The following USO1 variants were observed in gnomAD, a reference collection of about 807,000 sequenced individuals.
USO1 encodes the protein USO1 vesicle transport factor.
Under a neutral mutation model 124.5 loss-of-function variants are expected in USO1, and 57 were observed. The observed-to-expected ratio is 0.46, with a 90% CI of 0.37 to 0.57. The LOEUF is 0.57. Among genes scored for constraint, USO1 ranks in the 20% least tolerant of loss-of-function variants. The pLI is 0.00. For missense variants in USO1, 900 were observed against 1,040.6 expected (o/e 0.86, Z 1.86); for synonymous variants, 369 against 362.8 (o/e 1.02, Z -0.19).
At chr4:75,745,757 G>T (rs180753725) in intron 1 of USO1, among the ~76,000 whole-genome samples, 1 of 147,938 alleles carries the variant, frequency 6.8e-6, no homozygotes, top group Admixed American at 6.6e-5. Context: ...AAAATTAGCC[G>T]GACGTAGTGG....
Position 75,789,730 on chromosome 4 carries a change from AATT to A in USO1, c.997-419_997-417del, listed in dbSNP as rs1197710482. Among the ~76,000 whole-genome samples, 138 of 152,190 alleles carry A rather than the reference AATT, an allele frequency of 9.1e-4. 1 individual carries two copies. Among genetic ancestry groups the A allele is most frequent in the African/African-American group, 3.2e-3 (133 of 41,540 alleles). On this transcript the variant is annotated intron_variant, in intron 10 of 23. Coordinates refer to ENST00000514213, the MANE Select transcript of USO1 (RefSeq NM_003715.4). ...ATTTTTTAACTTTATCCTTAAATTG[AATT>A]TTTTAACTCTTTAAATTTGTTCTTT... is the stretch of plus-strand genomic sequence containing the variant.
chr4:75,792,537 C>G (rs1162360896), intron 12 of USO1, among the ~76,000 whole-genome samples: 3 of 150,296 alleles, frequency 2.0e-5, no homozygotes, highest in Non-Finnish European at 4.4e-5. Flanking sequence ...GACTCTATCT[C>G]AAAAAAAATA....
intron 10 of USO1, among the ~76,000 whole-genome samples, chr4:75,789,491 TC>T (rs1462599621): frequency 3.3e-5 from 5 of 152,156 alleles, no homozygotes; most frequent in Non-Finnish European, 5.9e-5. Context: ...GTCAGGCTGG[TC>T]TCAAACTCCT....
intron 3 of USO1, among the ~76,000 whole-genome samples, chr4:75,755,810 C>A (rs114662994): frequency 1.1e-3 from 175 of 152,222 alleles, no homozygotes; most frequent in African/African-American, 4.1e-3. Flanking sequence ...GAGAGACTTT[C>A]CAGATATGCT....
rs983950421 is a variant in USO1 at position 75,766,479 on chromosome 4, G to C, written c.296-3960G>C. Among the ~76,000 whole-genome samples the C allele has an allele frequency of 8.5e-5, 13 of 152,332 alleles. No homozygotes were observed. The South Asian group carries it at 1.9e-3, about 22-fold the overall frequency. ...GTTGTCACAGTAAGAGGAAGTAAGA[G>C]AGTGCTACTGCGTCTAGTGGGTAAG... is the stretch of plus-strand genomic sequence containing the variant. On this transcript the variant is annotated intron_variant, in intron 4 of 23. Transcript: ENST00000514213.
intron 1 of USO1, among the ~76,000 whole-genome samples, 190 bp from the exon 2 acceptor site, chr4:75,752,181 GTC>G (rs1219096245): frequency 4.0e-5 from 6 of 151,844 alleles, no homozygotes; most frequent in Non-Finnish European, 7.4e-5. Flanking sequence ...CACTTTTTAA[GTC>G]TCTGCAAAAC....
At chr4:75,806,392 C>T (rs1490017734) in intron 19 of USO1, 94 bp from the exon 20 acceptor site, 4 of 1,455,940 alleles carry the variant, frequency 2.7e-6, no homozygotes, top group Admixed American at 2.4e-5. Context: ...TTGGTAAGCA[C>T]ATATGATATA....
intron 16 of USO1, 64 bp downstream of exon 16, chr4:75,800,863 A>G: frequency 6.5e-7 from 1 of 1,539,472 alleles, no homozygotes; most frequent in Non-Finnish European, 8.8e-7. Flanking sequence ...GTACATGTAT[A>G]TTCTGGATGC....
intron 17 of USO1, among the ~76,000 whole-genome samples, chr4:75,802,736 C>CTTTTTTTTTTTTTTTTT (rs997798305): frequency 4.6e-3 from 293 of 63,712 alleles, no homozygotes; most frequent in Middle Eastern, 0.017. Context: ...TTTTTCTTTT[C>CTTTTTTTTTTTTTTTTT]TTTTTTTTTT....
rs762869421 is a variant in USO1 at position 75,806,537 on chromosome 4, G to C, written c.2341G>C (p.Ala781Pro). 6.4e-7 allele frequency: 1 copy of C among 1,561,194 alleles called. No homozygotes were observed. The highest frequency in any genetic ancestry group is 1.2e-5 in the South Asian group (1 of 84,632). Residue 781 changes from alanine (A) to proline (P), a missense_variant, in exon 20 of 24, where the codon GCT becomes CCT. By Grantham distance (27) the Ala-to-Pro change is conservative (BLOSUM62 -1). This residue lies in a region of USO1 where 362 missense variants were observed against 359.0 expected (regional missense o/e 1.01). Transcript: ENST00000514213. ...TGAACAGTCTTCAGCAATAGTTTCA[G>C]CTAGAGATTCTGAACAAGTTGCAGA... ...TNEQSSAIVS[A>P]RDSEQVAELK...
Position 75,800,660 on chromosome 4 carries a change from G to C in USO1, c.1725G>C (p.Glu575Asp), listed in dbSNP as rs767868509. 1.3e-6 allele frequency: 2 copies of C among 1,593,058 alleles called. No individual in the cohort carries two copies. The highest frequency in any genetic ancestry group is 2.7e-5 in the African/African-American group (2 of 73,714). ...TGATTGAGAAGAGGATTGGCAAAGA[G>C]AATTTCATAGAGAAACTAGGATTTA... ...KQLIEKRIGK[E>D]NFIEKLGFIS... The change falls in exon 16 of 24, where the codon GAG becomes GAC. Residue 575 changes from glutamate (E) to aspartate (D), a missense_variant. Physicochemically the swap from Glu to Asp is conservative, Grantham distance 45 (BLOSUM62 2). Around this residue, in one of 2 missense-constraint regions of USO1, gnomAD observed 538 missense variants for 681.6 expected, o/e 0.79. Transcript: ENST00000514213.
intron 1 of USO1, among the ~76,000 whole-genome samples, chr4:75,734,289 A>G (rs982954793): frequency 6.6e-5 from 10 of 152,012 alleles, no homozygotes; most frequent in Admixed American, 6.6e-5. Context: ...TATGTCTTTA[A>G]TCCATCTTGA....
intron 10 of USO1, among the ~76,000 whole-genome samples, chr4:75,787,536 C>T (rs528925631): frequency 1.2e-4 from 19 of 152,182 alleles, no homozygotes; most frequent in African/African-American, 3.6e-4. Context: ...CTTACTCAAC[C>T]GGCAGATTCA....
intron 4 of USO1, among the ~76,000 whole-genome samples, chr4:75,763,189 TC>T (rs2149162826): frequency 6.6e-6 from 1 of 152,316 alleles, no homozygotes; most frequent in Admixed American, 6.5e-5. Context: ...AGTAAATATA[TC>T]TATGCATGCG....
chr4:75,749,291 C>G (rs1277796106), intron 1 of USO1, among the ~76,000 whole-genome samples: 1 of 151,952 alleles, frequency 6.6e-6, no homozygotes, highest in Non-Finnish European at 1.5e-5. Context: ...TTGGGAAATG[C>G]TATATGTATT....
chr4:75,758,505 C>T (rs1044888676), intron 4 of USO1, among the ~76,000 whole-genome samples: 2 of 152,142 alleles, frequency 1.3e-5, no homozygotes, highest in Non-Finnish European at 2.9e-5. Flanking sequence ...ATATTAACTT[C>T]ACAGAATACT....
intron 21 of USO1, among the ~76,000 whole-genome samples, chr4:75,809,666 C>G (rs903328977): frequency 3.3e-5 from 5 of 152,150 alleles, no homozygotes; most frequent in African/African-American, 1.2e-4. Context: ...TAACATGTTC[C>G]TAGTTTTCAT....
At chr4:75,771,333 C>T (rs1437479942) in intron 7 of USO1, among the ~76,000 whole-genome samples, 196 bp downstream of exon 7, 1 of 152,068 alleles carries the variant, frequency 6.6e-6, no homozygotes, top group Non-Finnish European at 1.5e-5. Context: ...TTTCTGGGCT[C>T]AAGCAATCCT....
chr4:75,758,719 TTTAA>T (rs1298446828), intron 4 of USO1, among the ~76,000 whole-genome samples: 3 of 152,086 alleles, frequency 2.0e-5, no homozygotes, highest in Non-Finnish European at 2.9e-5. Flanking sequence ...CCCCATCTCA[TTTAA>T]AAAAAATTTT....
Sources: gnomAD v4.1 joint callset for allele counts (sites outside exome capture counted in the v4.1 genomes callset) on GRCh38, gnomAD v4.1.1 for gene constraint, gnomAD v4.1.1 regional missense constraint, MANE v1.5 for transcripts, NCBI Gene and HGNC (gene_info 2026-07-23, HGNC 2026-07-21) for gene names.